The following ADGRV1 variants were observed in gnomAD, a reference collection of about 807,000 sequenced individuals.
ADGRV1 encodes adhesion G protein-coupled receptor V1, also known as G-protein coupled receptor 98.
In ADGRV1, 359 loss-of-function variants were observed where a neutral mutation model predicts 596.2. The observed-to-expected ratio is 0.60, with a 90% CI of 0.55 to 0.66. The LOEUF is 0.66. Among genes scored for constraint, ADGRV1 ranks in the 30% least tolerant of loss-of-function variants. ADGRV1 has a pLI of 0.00. For missense variants in ADGRV1, 7,274 were observed against 7,575.6 expected (o/e 0.96, Z 1.48); for synonymous variants, 2,681 against 2,679.2 (o/e 1.00, Z -0.02).
At chr5:90,997,849 T>A (rs1781543474) in intron 85 of ADGRV1, among the ~76,000 whole-genome samples, 1 of 152,128 alleles carries the variant, frequency 6.6e-6, no homozygotes, top group Non-Finnish European at 1.5e-5. Flanking sequence ...GTCCTAGGAT[T>A]GTGATGTGGA....
intron 1 of ADGRV1, among the ~76,000 whole-genome samples, chr5:90,583,630 T>C (rs902784836): frequency 3.3e-5 from 5 of 152,300 alleles, no homozygotes; most frequent in African/African-American, 1.2e-4. Flanking sequence ...TTTTGTTCTG[T>C]TGAGGTATCA....
rs1581198490 is a variant in ADGRV1 at position 90,811,273 on chromosome 5, G to A, written c.16013G>A (p.Gly5338Glu). Reference sequence around the variant, plus strand: ...GTGTTTCTCACAAACCCTCAAGGGGGAGCACAGATTGTGGAGGAGAAGGAT... The same window carrying A: ...GTGTTTCTCACAAACCCTCAAGGGGAAGCACAGATTGTGGAGGAGAAGGAT... ...FYVFLTNPQGGAQIVEEKDDT... is the reference protein window; with the variant it reads ...FYVFLTNPQGEAQIVEEKDDT... The change falls in exon 74 of 90, where the codon GGA becomes GAA. Residue 5338 changes from glycine to glutamate, a missense_variant. By Grantham distance (98) the Gly-to-Glu change is moderately conservative (BLOSUM62 -2). Coordinates refer to ENST00000405460, the MANE Select transcript of ADGRV1 (RefSeq NM_032119.4). 6.2e-7 allele frequency: 1 copy of A among 1,612,884 alleles called. No individual in the cohort carries two copies. The highest frequency in any genetic ancestry group is 8.5e-7 in the Non-Finnish European group (1 of 1,179,364).
chr5:90,649,162 C>T (rs934729359), intron 17 of ADGRV1, among the ~76,000 whole-genome samples: 2 of 151,912 alleles, frequency 1.3e-5, no homozygotes, highest in African/African-American at 4.8e-5. Context: ...CACCACCATG[C>T]CCAGCTAATT....
At chr5:90,878,724 ATC>A (rs1349272761) in intron 83 of ADGRV1, among the ~76,000 whole-genome samples, 1 of 152,208 alleles carries the variant, frequency 6.6e-6, no homozygotes, top group African/African-American at 2.4e-5. Context: ...GCAGATTATA[ATC>A]TCAGGAGTGC....
chr5:90,931,010 T>G (rs1374132102), intron 83 of ADGRV1: 1 of 152,196 alleles, frequency 6.6e-6, no homozygotes, highest in Non-Finnish European at 1.5e-5. Context: ...GGGGCCACTT[T>G]GTTCATCCCA....
Position 90,724,922 on chromosome 5 carries a change from A to C in ADGRV1, c.9839A>C (p.Tyr3280Ser). 6.2e-7 allele frequency: 1 copy of C among 1,610,630 alleles called. No individual in the cohort carries two copies. Among genetic ancestry groups the C allele is most frequent in the Non-Finnish European group, 8.5e-7 (1 of 1,177,324 alleles). Residue 3280 changes from tyrosine (Y) to serine (S), a missense_variant, in exon 46 of 90, where the codon TAT (tyrosine) becomes TCT (serine). Physicochemically the swap from Tyr to Ser is moderately radical, Grantham distance 144. Coordinates refer to ENST00000405460, the MANE Select transcript of ADGRV1 (RefSeq NM_032119.4). ...TTCTTTACTTTGGAAAATTTAATAT[A>C]TGGTATAATGTTAAGAAAATCATCT... is the stretch of plus-strand genomic sequence containing the variant. The part of the protein sequence containing the change: ...WCFFTLENLI[Y>S]GIMLRKSSVT...
chr5:90,892,105 C>T (rs1770879647), intron 83 of ADGRV1, among the ~76,000 whole-genome samples: 3 of 151,974 alleles, frequency 2.0e-5, no homozygotes, highest in Admixed American at 2.0e-4. Context: ...TTTCATGGAA[C>T]TAAAAAATCA....
intron 83 of ADGRV1, among the ~76,000 whole-genome samples, chr5:90,928,136 C>G (rs1343198211): frequency 6.6e-6 from 1 of 152,100 alleles, no homozygotes; most frequent in Non-Finnish European, 1.5e-5. Flanking sequence ...CGAGGAGTAT[C>G]TTTGTGGCAT....
At chr5:91,070,056 T>C (rs1191864910) in intron 85 of ADGRV1, among the ~76,000 whole-genome samples, 1 of 152,068 alleles carries the variant, frequency 6.6e-6, no homozygotes, top group Non-Finnish European at 1.5e-5. Context: ...AAGCTAAGCA[T>C]TGGGTACTCT....
At chr5:91,044,735 G>A (rs1360816933) in intron 85 of ADGRV1, among the ~76,000 whole-genome samples, 2 of 152,132 alleles carry the variant, frequency 1.3e-5, no homozygotes, top group African/African-American at 2.4e-5. Flanking sequence ...GGTACACGCT[G>A]TCAGTACTTT....
At position 90,947,906 on chromosome 5, in the gene ADGRV1, A is replaced by G. The variant is rs920849895; in HGVS notation, c.17857-17509A>G. 8.5e-4 allele frequency among the ~76,000 whole-genome samples: 129 copies of G among 152,152 alleles called. 2 individuals carry two copies. Among genetic ancestry groups the G allele is most frequent in the Admixed American group, 8.4e-3 (128 of 15,262 alleles). The stretch of plus-strand genomic sequence containing the variant: ...GAGCAACAAGTATTATAAAATGCAG[A>G]TGAGTTTTAAAAGATTCAATGTGAC... On this transcript the variant is annotated intron_variant, in intron 83 of 89. Transcript: ENST00000405460.
At chr5:91,127,552 A>AAG (rs1408746661) in intron 87 of ADGRV1, among the ~76,000 whole-genome samples, 4 of 151,648 alleles carry the variant, frequency 2.6e-5, no homozygotes, top group African/African-American at 9.7e-5. Context: ...AAAAAAAAAA[A>AAG]AAAAAATCTT....
intron 89 of ADGRV1, among the ~76,000 whole-genome samples, chr5:91,155,233 A>G (rs1796380092): frequency 6.6e-6 from 1 of 152,250 alleles, no homozygotes; most frequent in Non-Finnish European, 1.5e-5. Context: ...GTAACAAAAA[A>G]TTCTCTATTA....
chr5:90,785,992 G>C (rs2150114042), intron 67 of ADGRV1, among the ~76,000 whole-genome samples: 1 of 152,238 alleles, frequency 6.6e-6, no homozygotes, highest in South Asian at 2.1e-4. Flanking sequence ...CAAAAACTTG[G>C]AACCAACCCA....
At chr5:91,161,508 G>GT (rs372339480) in intron 89 of ADGRV1, among the ~76,000 whole-genome samples, 99,012 of 128,828 alleles carry the variant, frequency 0.77, 40,481 homozygotes, top group Non-Finnish European at 0.91. Flanking sequence ...GTTTTTGTTA[G>GT]TTTTTTTTTT....
At chr5:90,584,483 C>T (rs961176244) in intron 1 of ADGRV1, among the ~76,000 whole-genome samples, 29 of 152,222 alleles carry the variant, frequency 1.9e-4, no homozygotes, top group African/African-American at 6.5e-4. Flanking sequence ...TTGTTTTGCT[C>T]ATGAATCTGT....
At chr5:90,710,205 C>T (rs1301816690) in intron 39 of ADGRV1, among the ~76,000 whole-genome samples, 1 of 152,146 alleles carries the variant, frequency 6.6e-6, no homozygotes, top group Non-Finnish European at 1.5e-5. Flanking sequence ...ACTAAGGTAG[C>T]ACCTCTGAAA....
chr5:90,755,731 A>G (rs1490780350), intron 55 of ADGRV1, among the ~76,000 whole-genome samples: 1 of 151,082 alleles, frequency 6.6e-6, no homozygotes, highest in Non-Finnish European at 1.5e-5. Context: ...TGCACAAGAA[A>G]TTTTAATAGT....
chr5:90,819,251 T>A (rs900164584), intron 75 of ADGRV1, among the ~76,000 whole-genome samples: 4 of 151,728 alleles, frequency 2.6e-5, no homozygotes, highest in African/African-American at 9.7e-5. Context: ...TCTGTGGGAT[T>A]GGTGGTGATA....
Sources: allele counts gnomAD v4.1 joint callset (sites outside exome capture counted in the v4.1 genomes callset), GRCh38; gene constraint gnomAD v4.1.1; transcripts MANE v1.5; gene names NCBI Gene and HGNC (gene_info 2026-07-23, HGNC 2026-07-21).